The following NF1 variants were observed in gnomAD, a reference collection of about 807,000 sequenced individuals.
The protein encoded by NF1 is neurofibromin 1, also known as neurofibromin.
Under a neutral mutation model 325.7 loss-of-function variants are expected in NF1, and 122 were observed. The ratio of observed to expected loss-of-function variants is 0.37; its 90% CI spans 0.32 to 0.44. The LOEUF (loss-of-function observed/expected upper bound fraction) is 0.44. NF1 is among the 20% of genes least tolerant of loss of function. The pLI is 1.00. For synonymous variants in NF1, 1,091 were observed against 1,186.0 expected, an observed-to-expected ratio of 0.92 and a Z score of 1.65; for missense variants, 2,140 against 3,415.4, an observed-to-expected ratio of 0.63 and a Z score of 9.31.
In NF1 at chr17:31,229,036, C is replaced by T. The variant is rs771345891; in HGVS notation, c.2421C>T (p.Ser807=). Residue 807 remains serine (S), a synonymous_variant, in exon 21 of 58, where the codon AGC becomes AGT. Transcript: ENST00000358273. ...AATTTTGTGTTTAGGCTGCTGAAAG[C>T]CTTCACAAGACCATTGTTAAGAGGC... ...AKMEDGQAAE[S]LHKTIVKRRM... 6.2e-7 allele frequency: 1 copy of T among 1,604,386 alleles called. No homozygotes were observed. Among genetic ancestry groups the T allele is most frequent in the Non-Finnish European group, 8.5e-7 (1 of 1,173,608 alleles).
intron 52 of NF1, 168 bp from the exon 53 acceptor site, chr17:31,356,792 A>G: frequency 4.2e-6 from 5 of 1,178,534 alleles, no homozygotes; most frequent in Non-Finnish European, 6.0e-6. Context: ...CATTGTAAAT[A>G]GGTAGCCAAA....
intron 57 of NF1, among the ~76,000 whole-genome samples, chr17:31,365,297 A>AAAAAAAAAAG (rs397975647): frequency 6.7e-5 from 10 of 148,654 alleles, no homozygotes; most frequent in African/African-American, 2.5e-4. Flanking sequence ...AAAAAAAAAA[A>AAAAAAAAAAG]GAAGGAAAGA....
intron 36 of NF1, among the ~76,000 whole-genome samples, chr17:31,292,428 C>G (rs575072371): frequency 6.6e-6 from 1 of 152,088 alleles, no homozygotes; most frequent in Non-Finnish European, 1.5e-5. Context: ...TATAGTTTCC[C>G]TCAGTATATC....
At chr17:31,113,695 A>G (rs1421484865) in intron 1 of NF1, among the ~76,000 whole-genome samples, 2 of 151,612 alleles carry the variant, frequency 1.3e-5, no homozygotes, top group Admixed American at 6.6e-5. Context: ...ATGCCTGGCT[A>G]ATTTTTGTAG....
At chr17:31,296,096 T>C in intron 36 of NF1, 1 of 1,612,726 alleles carries the variant, frequency 6.2e-7, no homozygotes, top group South Asian at 1.1e-5. Context: ...GGTCCTCAGA[T>C]TGGTATATTG....
intron 29 of NF1, among the ~76,000 whole-genome samples, chr17:31,245,880 T>TG (rs1377318462): frequency 2.6e-5 from 4 of 152,060 alleles, no homozygotes; most frequent in Admixed American, 2.6e-4. Context: ...GGTTGGGGAG[T>TG]GGGGCTGAAA....
chr17:31,137,277 T>C (rs1915849663), intron 1 of NF1: 1 of 152,206 alleles, frequency 6.6e-6, no homozygotes, highest in Non-Finnish European at 1.5e-5. Flanking sequence ...TTTTCTGTAT[T>C]TCTATTAGTT....
At chr17:31,352,902 C>CT (rs17881874) in intron 51 of NF1, among the ~76,000 whole-genome samples, 1 of 151,876 alleles carries the variant, frequency 6.6e-6, no homozygotes, top group Non-Finnish European at 1.5e-5. Flanking sequence ...AAATAGGATT[C>CT]TTTTTTTTCT....
At chr17:31,098,136 A>G (rs1764604872) in intron 1 of NF1, among the ~76,000 whole-genome samples, 1 of 148,264 alleles carries the variant, frequency 6.7e-6, no homozygotes, top group Admixed American at 6.8e-5. Context: ...ATAAATTAAT[A>G]TATTAATTTA....
intron 1 of NF1, among the ~76,000 whole-genome samples, chr17:31,139,096 A>G (rs1916015122): frequency 6.6e-6 from 1 of 151,822 alleles, no homozygotes; most frequent in African/African-American, 2.4e-5. Context: ...CGCCCAAGCT[A>G]GAGTGCGGTG....
chr17:31,204,450 T>A (rs2066585202), intron 11 of NF1, among the ~76,000 whole-genome samples: 1 of 152,132 alleles, frequency 6.6e-6, no homozygotes, highest in Admixed American at 6.6e-5. Flanking sequence ...GTAAGTCTAC[T>A]TTAATTGACT....
intron 36 of NF1, among the ~76,000 whole-genome samples, chr17:31,293,938 GTTTGA>G (rs2068405911): frequency 6.6e-6 from 1 of 152,166 alleles, no homozygotes; most frequent in Non-Finnish European, 1.5e-5. Context: ...TTCCAGTGTG[GTTTGA>G]TTTGGAGTGT....
intron 15 of NF1, 127 bp downstream of exon 15, chr17:31,222,056 A>T: frequency 7.8e-7 from 1 of 1,276,974 alleles, no homozygotes; most frequent in South Asian, 2.6e-5. Flanking sequence ...ATGGTTTTGT[A>T]TTTTATTTGA....
rs2151425923 is a variant in NF1 at position 31,226,586 on chromosome 17, A to G, written c.2153A>G (p.Asp718Gly). ...TTCCGCCACCTCTGTGAGGAAGCAG[A>G]TATCCGGTGTGGGGTGGATGAAGTG... Reference protein sequence around the residue: ...SCFRHLCEEADIRCGVDEVSV... With the variant: ...SCFRHLCEEAGIRCGVDEVSV... Residue 718 changes from aspartate (D) to glycine (G), a missense_variant, in exon 18 of 58, where the codon GAT (aspartate) becomes GGT (glycine). This residue lies in a region of NF1 where 380 missense variants were observed against 639.3 expected (regional missense o/e 0.59). Coordinates refer to ENST00000358273, the MANE Select transcript of NF1 (RefSeq NM_001042492.3). 1 of 1,613,908 alleles carries G rather than the reference A, an allele frequency of 6.2e-7. No homozygotes were observed.
At chr17:31,305,132 G>T in intron 36 of NF1, 1 of 1,614,174 alleles carries the variant, frequency 6.2e-7, no homozygotes, top group East Asian at 2.2e-5. Context: ...ACAGTTATTT[G>T]TTTTCTAGAA....
At chr17:31,300,507 G>T (rs911879625) in intron 36 of NF1, among the ~76,000 whole-genome samples, 1 of 151,928 alleles carries the variant, frequency 6.6e-6, no homozygotes, top group African/African-American at 2.4e-5. Flanking sequence ...TTGATCCATA[G>T]TACTCCATTT....
At chr17:31,295,576 A>G in intron 36 of NF1, 2 of 1,614,168 alleles carry the variant, frequency 1.2e-6, no homozygotes, top group Non-Finnish European at 1.7e-6. Flanking sequence ...TAGAACATGG[A>G]GTCCCTATCA....
chr17:31,195,103 G>C (rs1597674477), intron 8 of NF1, among the ~76,000 whole-genome samples: 1 of 151,908 alleles, frequency 6.6e-6, no homozygotes. Context: ...GATTTCCTTT[G>C]ACTTTTGCTT....
chr17:31,099,858 G>C (rs1453868122), intron 1 of NF1, among the ~76,000 whole-genome samples: 1 of 152,064 alleles, frequency 6.6e-6, no homozygotes, highest in African/African-American at 2.4e-5. Flanking sequence ...ACCACGCCCG[G>C]CCATGTGTAG....
Sources: gnomAD v4.1 joint callset for allele counts (sites outside exome capture counted in the v4.1 genomes callset) on GRCh38, gnomAD v4.1.1 for gene constraint, gnomAD v4.1.1 regional missense constraint, MANE v1.5 for transcripts, NCBI Gene and HGNC (gene_info 2026-07-23, HGNC 2026-07-21) for gene names.